Variants in KMT2E observed in about 807,000 individuals in gnomAD.
The protein encoded by KMT2E is lysine methyltransferase 2E (inactive), also known as histone reader KMT2E.
In KMT2E, 30 loss-of-function variants were observed where a neutral mutation model predicts 184.6. The ratio of observed to expected loss-of-function variants is 0.16; its 90% CI spans 0.12 to 0.22. The LOEUF (loss-of-function observed/expected upper bound fraction) is 0.22, where lower values mean the gene tolerates loss of function less well. Among genes scored for constraint, KMT2E ranks in the 10% least tolerant of loss-of-function variants. The pLI is 1.00. For missense variants in KMT2E, 2,023 were observed against 2,237.4 expected (o/e 0.90, Z 1.93); for synonymous variants, 815 against 776.5 (o/e 1.05, Z -0.82).
intron 19 of KMT2E, 100 bp from the exon 20 acceptor site, chr7:105,106,422 C>T: frequency 8.8e-7 from 1 of 1,142,104 alleles, no homozygotes; most frequent in East Asian, 2.4e-5. Flanking sequence ...AAAGTCATAA[C>T]TGCCATTGTT....
rs1337355861 is a variant in KMT2E at position 105,038,194 on chromosome 7, C to T, written c.-120C>T. 6.6e-6 allele frequency: 1 copy of T among 152,148 alleles called. No individual in the cohort carries two copies. Among genetic ancestry groups the T allele is most frequent in the African/African-American group, 2.4e-5 (1 of 41,432 alleles). The allele number at this position is 152,148 out of a possible 1,614,324, so 9.4% of individuals were successfully genotyped here. A position where few individuals can be genotyped will look rare whatever the true frequency, so the allele number is the denominator to read the frequency against. On this transcript the variant is annotated 5_prime_UTR_variant, in exon 2 of 27. Coordinates refer to ENST00000311117, the MANE Select transcript of KMT2E (RefSeq NM_182931.3). ...CTTGGACCTCAGATTTACCAGACATCTCATGGTATTTCCTTTTCTATTATT... is the reference window on the plus strand; with the variant it reads ...CTTGGACCTCAGATTTACCAGACATTTCATGGTATTTCCTTTTCTATTATT...
chr7:105,019,011 ACT>A lies in KMT2E; in HGVS notation c.-189+4479_-189+4480del, dbSNP rs370085934. 3.0e-3 allele frequency among the ~76,000 whole-genome samples: 454 copies of A among 152,242 alleles called. 2 individuals are homozygous for A. The highest frequency in any genetic ancestry group is 0.011 in the African/African-American group (439 of 41,556). ...ATGAGTATTTTACTTTATATAAAAT[ACT>A]CTGTTTAATAGCAATTGCAATATTT... On this transcript the variant is annotated intron_variant, in intron 1 of 26. Transcript: ENST00000311117.
chr7:105,060,457 C>T (rs1440530306), intron 3 of KMT2E, among the ~76,000 whole-genome samples: 1 of 151,814 alleles, frequency 6.6e-6, no homozygotes, highest in Non-Finnish European at 1.5e-5. Context: ...GACAGAGTCT[C>T]ATTCTGTTGC....
At chr7:105,036,018 G>A (rs1046926340) in intron 1 of KMT2E, among the ~76,000 whole-genome samples, 1 of 152,078 alleles carries the variant, frequency 6.6e-6, no homozygotes, top group Non-Finnish European at 1.5e-5. Flanking sequence ...CAGAGGAAAC[G>A]CAATTCAGAT....
At chr7:105,093,798 G>A (rs1798302368) in intron 15 of KMT2E, among the ~76,000 whole-genome samples, 2 of 152,122 alleles carry the variant, frequency 1.3e-5, no homozygotes, top group Non-Finnish European at 2.9e-5. Context: ...TTGCTTATTA[G>A]TATGCTATAG....
intron 15 of KMT2E, 21 bp downstream of exon 15, chr7:105,091,335 T>A (rs1351063586): frequency 2.8e-6 from 4 of 1,410,836 alleles, no homozygotes; most frequent in Non-Finnish European, 4.0e-6. Context: ...AAGCCAGTAG[T>A]TTGGGCTTAG....
chr7:105,063,965 A>G, intron 5 of KMT2E: 1 of 450,876 alleles, frequency 2.2e-6, no homozygotes, highest in South Asian at 1.6e-5. Flanking sequence ...GCGGAAATTA[A>G]ACATTTTCAT....
chr7:105,102,496 G>C (rs1484652825), intron 17 of KMT2E: 3 of 202,568 alleles, frequency 1.5e-5, no homozygotes, highest in African/African-American at 2.4e-5. Context: ...ACTGGTTTTA[G>C]ATGTGTTATC....
intron 22 of KMT2E, 104 bp downstream of exon 22, chr7:105,108,029 T>A (rs1584806506): frequency 1.6e-6 from 1 of 637,664 alleles, no homozygotes; most frequent in Non-Finnish European, 2.2e-6. Context: ...ATTCTTAATT[T>A]AGTTATTAAA....
At chr7:105,073,184 GGATCACTTGAT>G (rs142460800) in intron 6 of KMT2E, among the ~76,000 whole-genome samples, 2,534 of 151,840 alleles carry the variant, frequency 0.017, 76 homozygotes, top group African/African-American at 0.057. Context: ...AGGGGTGGGA[GGATCACTTGAT>G]CCAGGAGTTC....
rs143925374 is a variant in KMT2E, at chr7:105,053,154, G to C, written c.72-9010G>C. ...CTAAGTTTTTTTAAGTCGCGGTTTT[G>C]GTTAATACCTGTTTTGGGAAGCTGG... On this transcript the variant is annotated intron_variant, in intron 3 of 26. Transcript: ENST00000311117. Among the ~76,000 whole-genome samples the C allele has an allele frequency of 4.9e-3, 739 of 152,082 alleles. 3 individuals are homozygous for C. The highest frequency in any genetic ancestry group is 0.017 in the African/African-American group (704 of 41,486).
At chr7:105,071,592 ATATATATATATATATATTTT>A (rs1449470660) in intron 6 of KMT2E, among the ~76,000 whole-genome samples, 893 of 54,264 alleles carry the variant, frequency 0.016, 19 homozygotes, top group African/African-American at 0.056. Flanking sequence ...GTATATATAT[ATATATATATATATATATTTT>A]TTTTTTTTTT....
intron 13 of KMT2E, among the ~76,000 whole-genome samples, chr7:105,087,299 AT>A (rs1798023183): frequency 6.8e-6 from 1 of 147,484 alleles, no homozygotes. Flanking sequence ...AATATATATA[AT>A]ATATAAATAT....
Position 105,081,423 on chromosome 7 carries a change from TTTATTA to T in KMT2E, c.1249-241_1249-236del, listed in dbSNP as rs34070011. ...AGAAGAATTGATGAAATATAGTATTTTTATTATTATTATTATTATTATTATTATTTT... is the reference window on the plus strand; with the variant it reads ...AGAAGAATTGATGAAATATAGTATTTTTATTATTATTATTATTATTATTTT... On this transcript the variant is annotated intron_variant, in intron 12 of 26. Transcript: ENST00000311117. Among the ~76,000 whole-genome samples the T allele has an allele frequency of 1.4e-4, 21 of 147,810 alleles. No homozygotes were observed. The South Asian group carries it at 1.9e-3, about 13-fold the overall frequency.
intron 1 of KMT2E, among the ~76,000 whole-genome samples, chr7:105,026,852 T>A (rs1795195075): frequency 6.6e-6 from 1 of 152,184 alleles, no homozygotes. Flanking sequence ...TTTGTCGACA[T>A]AGCTTAAAAT....
At chr7:105,102,855 T>A (rs1584798400) in intron 17 of KMT2E, 1 of 152,398 alleles carries the variant, frequency 6.6e-6, no homozygotes, top group South Asian at 2.1e-4. Flanking sequence ...TGAAATTTCA[T>A]TTATTCTGTC....
chr7:105,105,765 T>C, intron 18 of KMT2E, 72 bp downstream of exon 18: 1 of 1,560,316 alleles, frequency 6.4e-7, no homozygotes, highest in East Asian at 2.2e-5. Flanking sequence ...CCATCCATGG[T>C]AGTGAAATGC....
intron 1 of KMT2E, among the ~76,000 whole-genome samples, chr7:105,027,402 G>T (rs145222890): frequency 1.2e-3 from 182 of 152,150 alleles, no homozygotes; most frequent in African/African-American, 4.1e-3. Flanking sequence ...AAAGGTACTG[G>T]TCCCTTATAG....
chr7:105,108,099 C>G (rs1798993288), intron 22 of KMT2E, among the ~76,000 whole-genome samples, 174 bp downstream of exon 22: 1 of 151,394 alleles, frequency 6.6e-6, no homozygotes, highest in Admixed American at 6.6e-5. Context: ...AAAATGTTTA[C>G]AGAAAAGTAA....
Sources: gnomAD v4.1 joint callset for allele counts (sites outside exome capture counted in the v4.1 genomes callset) on GRCh38, gnomAD v4.1.1 for gene constraint, MANE v1.5 for transcripts, NCBI Gene and HGNC (gene_info 2026-07-23, HGNC 2026-07-21) for gene names.